The following ADAP2 variants were observed in gnomAD, a reference collection of about 807,000 sequenced individuals.
The protein encoded by ADAP2 is ArfGAP with dual PH domains 2, also known as arf-GAP with dual PH domain-containing protein 2.
In ADAP2, 42 loss-of-function variants were observed where a neutral mutation model predicts 54.9. That is an observed-to-expected ratio of 0.77 (90% CI 0.60 to 0.99). The LOEUF (loss-of-function observed/expected upper bound fraction) is 0.99. ADAP2 is among the 50% of genes least tolerant of loss of function. ADAP2 has a pLI of 0.00. For synonymous variants in ADAP2, 177 were observed against 180.1 expected (o/e 0.98, Z 0.14); for missense variants, 429 against 480.4 (o/e 0.89, Z 1.00).
At chr17:30,939,398 C>CA in intron 5 of ADAP2, among the ~76,000 whole-genome samples, 1 of 73,036 alleles carries the variant, frequency 1.4e-5, no homozygotes, top group East Asian at 4.1e-4. Flanking sequence ...TTGGGTAATA[C>CA]AAAAAAGGAA....
chr17:30,937,548 G>A (rs928131337), intron 5 of ADAP2, among the ~76,000 whole-genome samples: 1 of 152,206 alleles, frequency 6.6e-6, no homozygotes, highest in African/African-American at 2.4e-5. Context: ...AAAGCAGCAC[G>A]CTGGCTGCTG....
chr17:30,946,067 A>G (rs926569971), intron 6 of ADAP2, among the ~76,000 whole-genome samples: 20 of 150,962 alleles, frequency 1.3e-4, no homozygotes, highest in African/African-American at 4.6e-4. Context: ...AGGCAGGAGA[A>G]TGGCGTGAAC....
chr17:30,933,200 T>C (rs1911621115), intron 4 of ADAP2, among the ~76,000 whole-genome samples: 1 of 152,208 alleles, frequency 6.6e-6, no homozygotes, highest in African/African-American at 2.4e-5. Context: ...TATGTATTTA[T>C]TTATTGAGTC....
At chr17:30,949,240 AC>A in intron 6 of ADAP2, 46 bp from the exon 7 acceptor site, 1 of 1,496,136 alleles carries the variant, frequency 6.7e-7, no homozygotes, top group Admixed American at 1.7e-5. Flanking sequence ...CTTCCCACCC[AC>A]CCCATCTCAC....
intron 5 of ADAP2, 73 bp from the exon 6 acceptor site, chr17:30,944,834 A>T: frequency 7.0e-7 from 1 of 1,433,134 alleles, no homozygotes; most frequent in Non-Finnish European, 9.6e-7. Context: ...GTTTGCATGA[A>T]GGCCTTGGTG....
At chr17:30,943,350 A>G (rs778469880) in intron 5 of ADAP2, among the ~76,000 whole-genome samples, 1 of 151,500 alleles carries the variant, frequency 6.6e-6, no homozygotes, top group African/African-American at 2.4e-5. Flanking sequence ...GGGCAACAAG[A>G]GTGAAACTCA....
At chr17:30,944,273 A>G (rs1567722332) in intron 5 of ADAP2, among the ~76,000 whole-genome samples, 1 of 152,178 alleles carries the variant, frequency 6.6e-6, no homozygotes, top group Non-Finnish European at 1.5e-5. Flanking sequence ...AGTAACTAAC[A>G]AAGGAACAGA....
chr17:30,948,872 C>T (rs1904368791), intron 6 of ADAP2, among the ~76,000 whole-genome samples: 1 of 152,222 alleles, frequency 6.6e-6, no homozygotes, highest in Non-Finnish European at 1.5e-5. Flanking sequence ...GTGCATTCCA[C>T]TGACTAGCAG....
rs145742353 is a variant in ADAP2 at position 30,955,567 on chromosome 17, C to T, written c.883-674C>T. ...ACTAAAAATACAAAAATTAGCCGGA[C>T]GTGGTGGTGCGTGCCTGTAAGCCCA... On this transcript the variant is annotated intron_variant, in intron 9 of 10. Transcript: ENST00000330889. Among the ~76,000 whole-genome samples, 28 of 151,802 alleles carry T rather than the reference C, an allele frequency of 1.8e-4. No individual in the cohort carries two copies. The East Asian group carries it at 4.7e-3, about 25-fold the overall frequency.
At chr17:30,935,876 G>A (rs1911834479) in intron 5 of ADAP2, among the ~76,000 whole-genome samples, 1 of 152,150 alleles carries the variant, frequency 6.6e-6, no homozygotes, top group Non-Finnish European at 1.5e-5. Flanking sequence ...GGGCCTTGTA[G>A]GTCATAGCAA....
chr17:30,936,220 T>C (rs189449094), intron 5 of ADAP2, among the ~76,000 whole-genome samples: 225 of 152,260 alleles, frequency 1.5e-3, no homozygotes, highest in Non-Finnish European at 2.8e-3. Context: ...AGTGGTGCAA[T>C]CATAGCTCAC....
intron 2 of ADAP2, among the ~76,000 whole-genome samples, chr17:30,923,295 C>G (rs371842736): frequency 2.7e-5 from 4 of 146,378 alleles, no homozygotes; most frequent in African/African-American, 1.0e-4. Flanking sequence ...GACGGAGTCT[C>G]GCTGTGTTGT....
chr17:30,932,857 C>T lies in ADAP2; in HGVS notation c.397+889C>T, dbSNP rs548193872. Among the ~76,000 whole-genome samples the T allele has an allele frequency of 5.9e-5, 9 of 152,094 alleles. No individual in the cohort carries two copies. In the South Asian group the frequency reaches 1.2e-3, roughly 21 times the overall value. On this transcript the variant is annotated intron_variant, in intron 4 of 10. Transcript: ENST00000330889. The stretch of plus-strand genomic sequence containing the variant: ...TTCTGGGACTACAGGCATGAGCCAC[C>T]GCGCCCAGCATCAAACACTTAATGT...
At chr17:30,946,883 A>G (rs1273906032) in intron 6 of ADAP2, among the ~76,000 whole-genome samples, 2 of 152,202 alleles carry the variant, frequency 1.3e-5, no homozygotes, top group African/African-American at 4.8e-5. Flanking sequence ...TGCAGGGACT[A>G]GACCTTCCTA....
At chr17:30,927,671 G>T (rs1338869517) in intron 3 of ADAP2, among the ~76,000 whole-genome samples, 1 of 151,534 alleles carries the variant, frequency 6.6e-6, no homozygotes, top group African/African-American at 2.4e-5. Context: ...ACCTAAGCTC[G>T]GGCTGGCTCT....
chr17:30,936,391 T>C (rs1273663468), intron 5 of ADAP2, among the ~76,000 whole-genome samples: 1 of 152,140 alleles, frequency 6.6e-6, no homozygotes, highest in East Asian at 1.9e-4. Context: ...CTCAAACTCC[T>C]GGCTTCAAGC....
chr17:30,926,989 T>G, intron 3 of ADAP2, 71 bp downstream of exon 3: 1 of 1,228,190 alleles, frequency 8.1e-7, no homozygotes, highest in Non-Finnish European at 1.2e-6. Flanking sequence ...CTCTCCATCT[T>G]TGGTGTCTTC....
At chr17:30,927,305 T>C (rs1329758004) in intron 3 of ADAP2, among the ~76,000 whole-genome samples, 1 of 152,126 alleles carries the variant, frequency 6.6e-6, no homozygotes, top group Non-Finnish European at 1.5e-5. Context: ...TTTCAGCTAC[T>C]TCCTTTAGAG....
At chr17:30,933,465 G>T (rs1911645312) in intron 4 of ADAP2, among the ~76,000 whole-genome samples, 1 of 151,956 alleles carries the variant, frequency 6.6e-6, no homozygotes, top group Non-Finnish European at 1.5e-5. Context: ...CAAGATTACA[G>T]GTGTGAGCCA....
Sources: allele counts gnomAD v4.1 joint callset (sites outside exome capture counted in the v4.1 genomes callset), GRCh38; gene constraint gnomAD v4.1.1; transcripts MANE v1.5; gene names NCBI Gene and HGNC (gene_info 2026-07-23, HGNC 2026-07-21).